The following AKAP6 variants were observed in gnomAD, a reference collection of about 807,000 sequenced individuals.
AKAP6 encodes A-kinase anchoring protein 6.
Under a neutral mutation model 188.5 loss-of-function variants are expected in AKAP6, and 58 were observed. The ratio of observed to expected loss-of-function variants is 0.31; its 90% CI spans 0.25 to 0.38. The LOEUF is 0.38. Among genes scored for constraint, AKAP6 ranks in the 10% least tolerant of loss-of-function variants. The pLI, the probability that AKAP6 is intolerant of heterozygous loss-of-function variation, is 1.00. For synonymous variants in AKAP6, 989 were observed against 998.6 expected, an observed-to-expected ratio of 0.99 and a Z score of 0.18; for missense variants, 2,710 against 2,740.0, an observed-to-expected ratio of 0.99 and a Z score of 0.24.
intron 7 of AKAP6, among the ~76,000 whole-genome samples, chr14:32,607,724 G>A (rs1886179751): frequency 2.0e-5 from 3 of 152,148 alleles, no homozygotes; most frequent in Admixed American, 2.0e-4. Flanking sequence ...GAAATGGAAT[G>A]GGGTTCTTGA....
At chr14:32,577,060 A>T in intron 4 of AKAP6, 60 bp from the exon 5 acceptor site, 1 of 1,565,356 alleles carries the variant, frequency 6.4e-7, no homozygotes, top group African/African-American at 1.4e-5. Flanking sequence ...CTTTTTACAG[A>T]ATAACCAACT....
intron 4 of AKAP6, among the ~76,000 whole-genome samples, chr14:32,554,226 T>A (rs1883598879): frequency 6.6e-6 from 1 of 152,230 alleles, no homozygotes. Context: ...GTGACAGAGT[T>A]GAATAGTTGT....
At chr14:32,525,626 C>T (rs1294307717) in intron 2 of AKAP6, among the ~76,000 whole-genome samples, 2 of 152,204 alleles carry the variant, frequency 1.3e-5, no homozygotes, top group Admixed American at 6.5e-5. Flanking sequence ...TGACTGCTGA[C>T]ATTACTTGCT....
chr14:32,773,151 G>T (rs1008135737), intron 11 of AKAP6, among the ~76,000 whole-genome samples: 12 of 151,760 alleles, frequency 7.9e-5, no homozygotes, highest in African/African-American at 2.9e-4. Context: ...TTTGGAAGAG[G>T]AATATTGCTT....
intron 2 of AKAP6, among the ~76,000 whole-genome samples, chr14:32,530,558 C>G (rs556288496): frequency 6.6e-6 from 1 of 151,990 alleles, no homozygotes; most frequent in East Asian, 1.9e-4. Flanking sequence ...CACAGGGAAA[C>G]CTTTAAGATG....
chr14:32,565,511 A>C (rs1884146137), intron 4 of AKAP6, among the ~76,000 whole-genome samples: 1 of 152,184 alleles, frequency 6.6e-6, no homozygotes, highest in African/African-American at 2.4e-5. Context: ...GAGCTGCTTT[A>C]GTTTAGCCTT....
At chr14:32,445,732 T>C (rs538418198) in intron 2 of AKAP6, among the ~76,000 whole-genome samples, 47 of 152,326 alleles carry the variant, frequency 3.1e-4, no homozygotes, top group African/African-American at 1.1e-3. Flanking sequence ...AGACACAGCA[T>C]TCAATTTGAG....
intron 2 of AKAP6, among the ~76,000 whole-genome samples, chr14:32,475,933 T>C (rs1594654289): frequency 6.6e-6 from 1 of 151,998 alleles, no homozygotes; most frequent in East Asian, 1.9e-4. Context: ...TCCGCCCGCC[T>C]CGGCCTCCCA....
chr14:32,788,864 C>T (rs1163934486), intron 12 of AKAP6, among the ~76,000 whole-genome samples: 1 of 152,168 alleles, frequency 6.6e-6, no homozygotes, highest in African/African-American at 2.4e-5. Flanking sequence ...AGCCAAGCAG[C>T]GTCATTCTGC....
intron 1 of AKAP6, among the ~76,000 whole-genome samples, chr14:32,432,928 C>G (rs1050564362): frequency 6.6e-6 from 1 of 151,896 alleles, no homozygotes; most frequent in Non-Finnish European, 1.5e-5. Flanking sequence ...CTCTACCCGT[C>G]ATACGCAAAG....
chr14:32,609,838 C>T (rs1014933728), intron 7 of AKAP6, among the ~76,000 whole-genome samples: 2 of 150,690 alleles, frequency 1.3e-5, no homozygotes, highest in Admixed American at 1.3e-4. Flanking sequence ...GTTTCATGGA[C>T]CTTAGTGTAT....
intron 1 of AKAP6, among the ~76,000 whole-genome samples, chr14:32,372,378 G>T (rs1393068655): frequency 1.3e-5 from 2 of 152,068 alleles, no homozygotes; most frequent in Non-Finnish European, 2.9e-5. Context: ...GCAGGCCGAG[G>T]AGGGGATGTT....
At chr14:32,463,195 A>T (rs1891412351) in intron 2 of AKAP6, among the ~76,000 whole-genome samples, 1 of 152,158 alleles carries the variant, frequency 6.6e-6, no homozygotes, top group Admixed American at 6.5e-5. Context: ...GATCACCAAG[A>T]CAGAAAATTA....
At chr14:32,801,727 G>A (rs2033954265) in intron 12 of AKAP6, among the ~76,000 whole-genome samples, 1 of 152,166 alleles carries the variant, frequency 6.6e-6, no homozygotes. Context: ...TTTGTCCTGA[G>A]AAAGTTTTTA....
intron 1 of AKAP6, among the ~76,000 whole-genome samples, chr14:32,418,660 A>G (rs1462444253): frequency 2.0e-5 from 3 of 152,164 alleles, no homozygotes; most frequent in African/African-American, 4.8e-5. Flanking sequence ...TATTTAATCT[A>G]TAACTAATTT....
At chr14:32,510,492 A>T (rs201285451) in intron 2 of AKAP6, among the ~76,000 whole-genome samples, 1 of 113,444 alleles carries the variant, frequency 8.8e-6, no homozygotes, top group Non-Finnish European at 1.7e-5. Context: ...ATATATGTGT[A>T]TATATATATA....
chr14:32,673,649 C>T (rs1417952226), intron 7 of AKAP6, among the ~76,000 whole-genome samples: 3 of 152,246 alleles, frequency 2.0e-5, no homozygotes, highest in East Asian at 1.9e-4. Flanking sequence ...GTAGGAGATT[C>T]GCTTGAACCT....
chr14:32,383,224 G>A lies in AKAP6; in HGVS notation c.-34-50236G>A, dbSNP rs147249262. Among the ~76,000 whole-genome samples the A allele has an allele frequency of 8.7e-3, 1,323 of 151,960 alleles. 22 individuals are homozygous for A. The highest frequency in any genetic ancestry group is 0.03 in the African/African-American group (1,261 of 41,424). ...TTTAGTTGTGTAAAAGAAGAATTGT[G>A]TTAAAATAACTTTAAAAGAATATCT... On this transcript the variant is annotated intron_variant, in intron 1 of 13. Transcript: ENST00000280979.
chr14:32,409,073 G>A (rs537627600), intron 1 of AKAP6, among the ~76,000 whole-genome samples: 9 of 152,202 alleles, frequency 5.9e-5, no homozygotes, highest in South Asian at 2.1e-4. Flanking sequence ...GGTGGCATAC[G>A]CTTGTAATCC....
Sources: allele counts gnomAD v4.1 joint callset (sites outside exome capture counted in the v4.1 genomes callset), GRCh38; gene constraint gnomAD v4.1.1; transcripts MANE v1.5; gene names NCBI Gene and HGNC (gene_info 2026-07-23, HGNC 2026-07-21).